The following PRKAG2 variants were observed in gnomAD, a reference collection of about 807,000 sequenced individuals.
PRKAG2 encodes 5'-AMP-activated protein kinase subunit gamma-2.
In PRKAG2, 26 loss-of-function variants were observed where a neutral mutation model predicts 69.6. That is an observed-to-expected ratio of 0.37 (90% confidence interval 0.27 to 0.52). The LOEUF (loss-of-function observed/expected upper bound fraction) is 0.52. Among genes scored for constraint, PRKAG2 ranks in the 20% least tolerant of loss-of-function variants. PRKAG2 has a pLI of 0.90. For missense variants in PRKAG2, 557 were observed against 740.0 expected, an observed-to-expected ratio of 0.75 and a Z score of 2.87; for synonymous variants, 293 against 285.0, an observed-to-expected ratio of 1.03 and a Z score of -0.28.
chr7:151,646,293 T>A (rs558691476), intron 4 of PRKAG2, among the ~76,000 whole-genome samples: 1 of 152,346 alleles, frequency 6.6e-6, no homozygotes, highest in South Asian at 2.1e-4. Context: ...ACAACAGTAT[T>A]AAGTGTTCCA....
intron 13 of PRKAG2, among the ~76,000 whole-genome samples, chr7:151,564,597 G>A (rs58050394): frequency 0.022 from 3,277 of 152,240 alleles, 100 homozygotes; most frequent in African/African-American, 0.074. Flanking sequence ...AGTGCCACAG[G>A]GCTAGAAATG....
intron 1 of PRKAG2, among the ~76,000 whole-genome samples, chr7:151,802,965 T>A (rs1295408983): frequency 0.064 from 8,948 of 139,462 alleles, 748 homozygotes; most frequent in African/African-American, 0.2. Context: ...TATATATATT[T>A]TTTTTTTTTT....
At chr7:151,579,854 C>T (rs909125391) in intron 6 of PRKAG2, among the ~76,000 whole-genome samples, 2 of 152,044 alleles carry the variant, frequency 1.3e-5, no homozygotes, top group Non-Finnish European at 2.9e-5. Context: ...AGCAGGCTGA[C>T]GGCTGACTTT....
Position 151,788,957 on chromosome 7 carries a change from T to A in PRKAG2, c.115-2416A>T, listed in dbSNP as rs921812417. Among the ~76,000 whole-genome samples, 2 of 152,264 alleles carry A rather than the reference T, an allele frequency of 1.3e-5. No individual in the cohort carries two copies. The highest frequency in any genetic ancestry group is 4.8e-5 in the African/African-American group (2 of 41,468). ...ATGACTGTGGAACGTCATTTGACTT[T>A]ATCTCTGAGAGTTTATTTCTGGGCT... On this transcript the variant is annotated intron_variant, in intron 1 of 15. Coordinates refer to ENST00000287878, the MANE Select transcript of PRKAG2 (RefSeq NM_016203.4). This position sits in a 1 kb window ranked among gnomAD's most constrained non-coding sequence, Gnocchi z 4.6.
At chr7:151,606,364 G>T (rs913126788) in intron 5 of PRKAG2, among the ~76,000 whole-genome samples, 2 of 152,102 alleles carry the variant, frequency 1.3e-5, no homozygotes, top group South Asian at 4.1e-4. Flanking sequence ...ACGATTATAG[G>T]TGGCACCATC....
At chr7:151,657,200 A>G (rs1473725930) in intron 4 of PRKAG2, among the ~76,000 whole-genome samples, 2 of 152,196 alleles carry the variant, frequency 1.3e-5, no homozygotes, top group African/African-American at 2.4e-5. Context: ...GATTTTGAAG[A>G]ATATTCTCAA....
chr7:151,673,292 A>G (rs1832363026), intron 4 of PRKAG2, among the ~76,000 whole-genome samples: 1 of 152,122 alleles, frequency 6.6e-6, no homozygotes, highest in South Asian at 2.1e-4. Context: ...CCCTAGTCAA[A>G]GCCTAATTTT....
intron 3 of PRKAG2, among the ~76,000 whole-genome samples, chr7:151,725,097 C>G (rs911547422): frequency 1.3e-5 from 2 of 152,078 alleles, no homozygotes. Context: ...GCCTGTGATC[C>G]CCCTACCGTG....
chr7:151,766,755 CACA>C (rs1309443518), intron 3 of PRKAG2, among the ~76,000 whole-genome samples: 12 of 152,248 alleles, frequency 7.9e-5, no homozygotes, highest in African/African-American at 2.9e-4. Flanking sequence ...CTCCATTTAT[CACA>C]ACACCTCTCC....
intron 3 of PRKAG2, among the ~76,000 whole-genome samples, chr7:151,774,508 A>G (rs915374577): frequency 1.3e-5 from 2 of 152,162 alleles, no homozygotes; most frequent in African/African-American, 4.8e-5. Context: ...CCTTAATAAT[A>G]TAAAACAGTG....
intron 1 of PRKAG2, among the ~76,000 whole-genome samples, chr7:151,870,767 C>G (rs1202700827): frequency 6.6e-6 from 1 of 152,234 alleles, no homozygotes; most frequent in Non-Finnish European, 1.5e-5. Flanking sequence ...GGTGCGTGGC[C>G]TTCTCGCAGC....
At chr7:151,799,356 T>C (rs1333408362) in intron 1 of PRKAG2, among the ~76,000 whole-genome samples, 1 of 152,224 alleles carries the variant, frequency 6.6e-6, no homozygotes, top group Non-Finnish European at 1.5e-5. Flanking sequence ...GTGTTTCCAC[T>C]ACATAAGCTG....
intron 4 of PRKAG2, among the ~76,000 whole-genome samples, chr7:151,665,507 T>C (rs1251009417): frequency 6.6e-6 from 1 of 152,182 alleles, no homozygotes; most frequent in Non-Finnish European, 1.5e-5. Flanking sequence ...ATAATATTTT[T>C]TTGACAGCTG....
At chr7:151,694,059 A>G (rs1836171968) in intron 3 of PRKAG2, among the ~76,000 whole-genome samples, 1 of 152,118 alleles carries the variant, frequency 6.6e-6, no homozygotes, top group Non-Finnish European at 1.5e-5. Flanking sequence ...TTTTTAGTAG[A>G]GACAGGGTTT....
chr7:151,736,070 G>A (rs1041769381), intron 3 of PRKAG2: 10 of 1,529,228 alleles, frequency 6.5e-6, no homozygotes, highest in Middle Eastern at 1.7e-4. Context: ...CCAGGTGGCC[G>A]GGAGCCAGAG....
At chr7:151,822,461 T>C (rs778042088) in intron 1 of PRKAG2, among the ~76,000 whole-genome samples, 1 of 152,182 alleles carries the variant, frequency 6.6e-6, no homozygotes, top group African/African-American at 2.4e-5. Flanking sequence ...GATGCGGCCC[T>C]GAAGACCCTC....
rs1429413884 is a variant in PRKAG2 at position 151,603,534 on chromosome 7, C to T, written c.755-8080G>A. 2.6e-5 allele frequency among the ~76,000 whole-genome samples: 3 copies of T among 115,684 alleles called. 1 individual carries two copies. The highest frequency in any genetic ancestry group is 7.8e-5 in the African/African-American group (2 of 25,712). The allele number at this position is 115,684 out of a possible 152,430, so 75.9% of individuals were successfully genotyped here. Reference sequence around the variant, plus strand: ...GGACACGCTCCGTCCTCACCGCACACGGAGGCACCCGCTCCGTCCTCACCG... The same window carrying T: ...GGACACGCTCCGTCCTCACCGCACATGGAGGCACCCGCTCCGTCCTCACCG... On this transcript the variant is annotated intron_variant, in intron 5 of 15. Coordinates refer to ENST00000287878, the MANE Select transcript of PRKAG2 (RefSeq NM_016203.4).
chr7:151,633,931 T>G (rs1177556391), intron 4 of PRKAG2, among the ~76,000 whole-genome samples: 2 of 152,196 alleles, frequency 1.3e-5, no homozygotes, highest in African/African-American at 4.8e-5. Flanking sequence ...TTCTATTTAT[T>G]TATTTATTAT....
chr7:151,604,227 C>T (rs1204012666), intron 5 of PRKAG2, among the ~76,000 whole-genome samples: 1 of 152,208 alleles, frequency 6.6e-6, no homozygotes, highest in Admixed American at 6.5e-5. Flanking sequence ...GAGCTGGGCT[C>T]TCCTGCCTCT....
Sources: gnomAD v4.1 joint callset for allele counts (sites outside exome capture counted in the v4.1 genomes callset) on GRCh38, gnomAD v4.1.1 for gene constraint, Gnocchi (gnomAD v3.1) non-coding constraint, MANE v1.5 for transcripts, NCBI Gene and HGNC (gene_info 2026-07-23, HGNC 2026-07-21) for gene names.